The following CNTNAP2 variants were observed in gnomAD, a reference collection of about 807,000 sequenced individuals.
CNTNAP2 encodes the protein contactin associated protein 2.
A neutral mutation model predicts 155.2 loss-of-function variants in CNTNAP2; 98 were observed. That is an observed-to-expected ratio of 0.63 (90% CI 0.54 to 0.75). CNTNAP2 has a LOEUF of 0.75. Among genes scored for constraint, CNTNAP2 ranks in the 30% least tolerant of loss-of-function variants. CNTNAP2 has a pLI of 0.00. For synonymous variants in CNTNAP2, 651 were observed against 631.2 expected (o/e 1.03, Z -0.47); for missense variants, 1,727 against 1,688.1 (o/e 1.02, Z -0.40).
At chr7:148,096,355 C>A (rs1010644480) in intron 15 of CNTNAP2, among the ~76,000 whole-genome samples, 1 of 151,178 alleles carries the variant, frequency 6.6e-6, no homozygotes, top group Non-Finnish European at 1.5e-5. Flanking sequence ...AAGTAACAAC[C>A]AGCTAATTAT....
chr7:148,122,866 G>GA (rs1372432837), intron 16 of CNTNAP2, among the ~76,000 whole-genome samples: 19 of 149,416 alleles, frequency 1.3e-4, no homozygotes, highest in South Asian at 8.5e-4. Context: ...AAAAAAAAAA[G>GA]AAAAAAAAAG....
chr7:148,325,545 C>A (rs2116545093), intron 21 of CNTNAP2, among the ~76,000 whole-genome samples: 1 of 152,334 alleles, frequency 6.6e-6, no homozygotes, highest in Non-Finnish European at 1.5e-5. Context: ...ACCATTTCAG[C>A]ATCTAATTCA....
chr7:147,866,566 A>C (rs984401926), intron 13 of CNTNAP2, among the ~76,000 whole-genome samples: 2 of 152,174 alleles, frequency 1.3e-5, no homozygotes, highest in African/African-American at 4.8e-5. Context: ...GTCTCCTTGT[A>C]GGTCTCTAAG....
chr7:148,320,683 CA>C, intron 21 of CNTNAP2, among the ~76,000 whole-genome samples: 1 of 152,194 alleles, frequency 6.6e-6, no homozygotes, highest in South Asian at 2.1e-4. Context: ...CACACCCAGC[CA>C]ACAAAGAATT....
chr7:148,139,868 T>C (rs570664087), intron 16 of CNTNAP2, among the ~76,000 whole-genome samples: 1 of 152,286 alleles, frequency 6.6e-6, no homozygotes, highest in Non-Finnish European at 1.5e-5. Context: ...CTGATGTGAT[T>C]GTTTCTGTTT....
At chr7:146,720,163 G>A (rs886721262) in intron 1 of CNTNAP2, among the ~76,000 whole-genome samples, 28 of 152,054 alleles carry the variant, frequency 1.8e-4, no homozygotes, top group African/African-American at 6.5e-4. Flanking sequence ...CAAGAAAGAA[G>A]GTGTTTAGTT....
At chr7:147,307,128 C>T (rs1362628827) in intron 9 of CNTNAP2, among the ~76,000 whole-genome samples, 4 of 152,036 alleles carry the variant, frequency 2.6e-5, no homozygotes, top group Non-Finnish European at 5.9e-5. Context: ...CAAAGTGTTC[C>T]CAGAGAGTTG....
intron 1 of CNTNAP2, among the ~76,000 whole-genome samples, chr7:146,261,633 C>T (rs1030171439): frequency 7.9e-5 from 12 of 151,880 alleles, no homozygotes; most frequent in Non-Finnish European, 1.6e-4. Flanking sequence ...TCTAGGGTAT[C>T]GGTTTCTTTT....
At chr7:148,261,589 G>A (rs1796562685) in intron 20 of CNTNAP2, among the ~76,000 whole-genome samples, 3 of 152,214 alleles carry the variant, frequency 2.0e-5, no homozygotes, top group Admixed American at 2.0e-4. Flanking sequence ...AGAGAGCAGA[G>A]ACCCCTGCTT....
chr7:146,211,531 T>G (rs1347476563), intron 1 of CNTNAP2, among the ~76,000 whole-genome samples: 1 of 152,186 alleles, frequency 6.6e-6, no homozygotes, highest in Non-Finnish European at 1.5e-5. Flanking sequence ...TTTGTTTTCC[T>G]TAGTCCAAAT....
At position 147,156,024 on chromosome 7, in the gene CNTNAP2, T is replaced by C. The variant is rs1471502368; in HGVS notation, c.1348+23515T>C. Among the ~76,000 whole-genome samples the C allele has an allele frequency of 2.0e-5, 3 of 152,120 alleles. No individual in the cohort carries two copies. In the East Asian group the frequency reaches 5.8e-4, roughly 29 times the overall value. On this transcript the variant is annotated intron_variant, in intron 8 of 23. Coordinates refer to ENST00000361727, the MANE Select transcript of CNTNAP2 (RefSeq NM_014141.6). Reference sequence around the variant, plus strand: ...ATTTTTGTGGCAACACTGGAAAGAATAGGAAATGCAACAGGAACAAGTCCC... The same window carrying C: ...ATTTTTGTGGCAACACTGGAAAGAACAGGAAATGCAACAGGAACAAGTCCC...
chr7:146,221,372 T>TTTAAATATACG (rs1799206475), intron 1 of CNTNAP2, among the ~76,000 whole-genome samples: 2 of 152,036 alleles, frequency 1.3e-5, no homozygotes, highest in South Asian at 2.1e-4. Context: ...TTAAATATAC[T>TTTAAATATACG]TTTAAATATA....
intron 8 of CNTNAP2, among the ~76,000 whole-genome samples, chr7:147,242,999 T>G: frequency 8.4e-6 from 1 of 119,666 alleles, no homozygotes; most frequent in African/African-American, 3.4e-5. Flanking sequence ...TTTTTTTTTT[T>G]TTTTTTTTTT....
chr7:146,474,138 A>G (rs1279962928), intron 1 of CNTNAP2, among the ~76,000 whole-genome samples: 1 of 152,082 alleles, frequency 6.6e-6, no homozygotes, highest in African/African-American at 2.4e-5. Context: ...CTAAATCAAT[A>G]TTTCTGCACA....
rs990510236 is a variant in CNTNAP2, at chr7:148,358,138, G to A, written c.3476-25511G>A. On this transcript the variant is annotated intron_variant, in intron 21 of 23. Coordinates refer to ENST00000361727, the MANE Select transcript of CNTNAP2 (RefSeq NM_014141.6). The stretch of plus-strand genomic sequence containing the variant: ...CAGCCTAGGGGTGTTCAAGGTGGTC[G>A]TATCACTGGCTGAGGGAGTGTCTGA... 2.0e-5 allele frequency among the ~76,000 whole-genome samples: 3 copies of A among 152,168 alleles called. No individual in the cohort carries two copies. In the South Asian group the frequency reaches 6.2e-4, roughly 32 times the overall value.
intron 1 of CNTNAP2, among the ~76,000 whole-genome samples, chr7:146,140,754 A>G (rs1797865145): frequency 6.6e-6 from 1 of 152,148 alleles, no homozygotes; most frequent in Non-Finnish European, 1.5e-5. Context: ...AAGAAAGAAA[A>G]AGAATCAGTG....
At chr7:146,924,689 C>A (rs1405300139) in intron 3 of CNTNAP2, among the ~76,000 whole-genome samples, 1 of 151,844 alleles carries the variant, frequency 6.6e-6, no homozygotes, top group African/African-American at 2.4e-5. Context: ...ATGATCTTAC[C>A]TAACTATTTG....
At chr7:148,279,037 C>G (rs1397955691) in intron 21 of CNTNAP2, among the ~76,000 whole-genome samples, 2 of 152,090 alleles carry the variant, frequency 1.3e-5, no homozygotes, top group Non-Finnish European at 2.9e-5. Context: ...TGGCAGGAGA[C>G]AGATGAAGTC....
chr7:147,555,879 C>G (rs1799942354), intron 11 of CNTNAP2, among the ~76,000 whole-genome samples: 1 of 152,222 alleles, frequency 6.6e-6, no homozygotes, highest in African/African-American at 2.4e-5. Context: ...AATAGGGCCT[C>G]CTTCATGTTT....
Sources: gnomAD v4.1 joint callset for allele counts (sites outside exome capture counted in the v4.1 genomes callset) on GRCh38, gnomAD v4.1.1 for gene constraint, MANE v1.5 for transcripts, NCBI Gene and HGNC (gene_info 2026-07-23, HGNC 2026-07-21) for gene names.